Variants in MYO18A observed in about 807,000 individuals in gnomAD.
The protein encoded by MYO18A is myosin XVIIIA.
In MYO18A, 78 loss-of-function variants were observed where a neutral mutation model predicts 235.8. The ratio of observed to expected loss-of-function variants is 0.33; its 90% CI spans 0.28 to 0.40. MYO18A has a LOEUF of 0.40. Among genes scored for constraint, MYO18A ranks in the 10% least tolerant of loss-of-function variants. The pLI is 1.00. For missense variants in MYO18A, 2,215 were observed against 2,699.3 expected (o/e 0.82, Z 3.98); for synonymous variants, 977 against 1,077.8 (o/e 0.91, Z 1.83).
intron 1 of MYO18A, among the ~76,000 whole-genome samples, chr17:29,172,292 G>A (rs944438797): frequency 1.3e-5 from 2 of 152,026 alleles, no homozygotes; most frequent in Non-Finnish European, 2.9e-5. Flanking sequence ...TGGTCAACAC[G>A]GTGAAACCTT....
Position 29,118,007 on chromosome 17 carries a change from G to T in MYO18A, c.2038+38C>A. ...GGCAGGGTCCCTGTGAGGTCACCCA[G>T]GGGACAGGCCAGCCTACTGGGACCC... On this transcript the variant is annotated intron_variant, in intron 10 of 41. Transcript: ENST00000527372. This position sits in a 1 kb window ranked among gnomAD's most constrained non-coding sequence, Gnocchi z 4.2. 1 of 1,558,088 alleles carries T rather than the reference G, an allele frequency of 6.4e-7. No individual in the cohort carries two copies. Among genetic ancestry groups the T allele is most frequent in the Non-Finnish European group, 8.7e-7 (1 of 1,151,388 alleles).
intron 2 of MYO18A, among the ~76,000 whole-genome samples, chr17:29,136,245 AAAAAAAT>A (rs1297231113): frequency 4.2e-4 from 33 of 78,818 alleles, no homozygotes; most frequent in East Asian, 1.7e-3. Flanking sequence ...GAAAAAAAAA[AAAAAAAT>A]ATATATATAT....
chr17:29,156,380 C>T (rs1276289067), intron 2 of MYO18A, among the ~76,000 whole-genome samples: 3 of 152,312 alleles, frequency 2.0e-5, no homozygotes, highest in Admixed American at 2.0e-4. Flanking sequence ...AGGAGGCAGC[C>T]TGTCCCCAGG....
chr17:29,092,866 G>A lies in MYO18A; in HGVS notation c.5062C>T (p.Leu1688Phe), dbSNP rs751181150. The change falls in exon 33 of 42, where the codon CTC (leucine) becomes TTC (phenylalanine). Residue 1688 changes from leucine (L) to phenylalanine (F), a missense_variant. Leu to Phe is a conservative substitution (Grantham distance 22). Coordinates refer to ENST00000527372, the MANE Select transcript of MYO18A (RefSeq NM_078471.4). ...SAPSKREIAQLKNQLEESEFT... is the reference protein window; with the variant it reads ...SAPSKREIAQFKNQLEESEFT... ...CTCTCTGTGGATACCTGGTTCTTGA[G>A]CTGGGCAATCTCTCGCTTGCTGGGA... The A allele has an allele frequency of 6.2e-7, 1 of 1,613,780 alleles. No homozygotes were observed. Among genetic ancestry groups the A allele is most frequent in the African/African-American group, 1.3e-5 (1 of 74,936 alleles).
chr17:29,087,701 T>C (rs1195580667), intron 37 of MYO18A, among the ~76,000 whole-genome samples: 1 of 152,172 alleles, frequency 6.6e-6, no homozygotes, highest in African/African-American at 2.4e-5. Flanking sequence ...GAACCCCGCA[T>C]CTGCTTGTAA....
At position 29,125,815 on chromosome 17, in the gene MYO18A, G is replaced by T; in HGVS notation, c.1000-3562C>A. ...CATCTTCATGGTCAGCGCGCCTACAGACACACACAGGGTCCTGCCGCCAGC... is the reference window on the plus strand; with the variant it reads ...CATCTTCATGGTCAGCGCGCCTACATACACACACAGGGTCCTGCCGCCAGC... On this transcript the variant is annotated intron_variant, in intron 2 of 41. Transcript: ENST00000527372. This position sits in a 1 kb window ranked among gnomAD's most constrained non-coding sequence, Gnocchi z 5.1. The T allele has an allele frequency of 1.3e-6, 1 of 765,124 alleles. No individual in the cohort carries two copies. The highest frequency in any genetic ancestry group is 1.6e-6 in the Non-Finnish European group (1 of 627,678). The allele number at this position is 765,124 out of a possible 1,614,324, so 47.4% of individuals were successfully genotyped here.
Position 29,111,626 on chromosome 17 carries a change from C to A in MYO18A, c.2741-43G>T, listed in dbSNP as rs750067890. 3 of 1,612,420 alleles carry A rather than the reference C, an allele frequency of 1.9e-6. No individual in the cohort carries two copies. The highest frequency in any genetic ancestry group is 2.5e-6 in the Non-Finnish European group (3 of 1,178,856). ...AAGATTTAGGTCGTCAGGGTACAGG[C>A]ACAAAGTGACCCCCGCCCCCTCCCA... On this transcript the variant is annotated intron_variant, in intron 16 of 41. Coordinates refer to ENST00000527372, the MANE Select transcript of MYO18A (RefSeq NM_078471.4). This position sits in a 1 kb window ranked among gnomAD's most constrained non-coding sequence, Gnocchi z 5.1.
chr17:29,130,915 G>A (rs767997202), intron 2 of MYO18A, among the ~76,000 whole-genome samples: 6 of 152,174 alleles, frequency 3.9e-5, no homozygotes, highest in Non-Finnish European at 7.4e-5. Flanking sequence ...AGACAGCAGC[G>A]ACTACAGTGA....
In MYO18A at chr17:29,094,989, G is replaced by A. The variant is rs1171159923; in HGVS notation, c.4456C>T (p.Arg1486Trp). The A allele has an allele frequency of 1.5e-5, 24 of 1,596,752 alleles. No individual in the cohort carries two copies. Among genetic ancestry groups the A allele is most frequent in the Non-Finnish European group, 2.0e-5 (23 of 1,170,596 alleles). Residue 1486 changes from arginine to tryptophan, a missense_variant, in exon 29 of 42, where the codon CGG becomes TGG. Transcript: ENST00000527372. Reference sequence around the variant, plus strand: ...TCAGCGAGGAGCATGTCCTTCTCCCGCTGCAGCTTCTCCCGCTGCAGCTTC... The same window carrying A: ...TCAGCGAGGAGCATGTCCTTCTCCCACTGCAGCTTCTCCCGCTGCAGCTTC... ...REKLQREKLQ[R>W]EKDMLLAEAF...
intron 2 of MYO18A, chr17:29,131,453 AG>A: frequency 1.0e-6 from 1 of 985,704 alleles, no homozygotes; most frequent in Non-Finnish European, 1.2e-6. Context: ...CTGAGGGAGC[AG>A]ATGAAGAAGT....
rs900425910 is a variant in MYO18A at position 29,115,320 on chromosome 17, G to T, written c.2318+31C>A. On this transcript the variant is annotated intron_variant, in intron 13 of 41. Coordinates refer to ENST00000527372, the MANE Select transcript of MYO18A (RefSeq NM_078471.4). ...CATCTACTCCACCTCTGCCAAAGCA[G>T]GAAAAGCCCTGGGTCCTGCCTGGCA... The T allele has an allele frequency of 1.9e-6, 3 of 1,611,580 alleles. No individual in the cohort carries two copies. The African/African-American group carries it at 4.0e-5, about 22-fold the overall frequency.
chr17:29,130,319 A>AG (rs1213928739), intron 2 of MYO18A, among the ~76,000 whole-genome samples: 7 of 150,904 alleles, frequency 4.6e-5, no homozygotes, highest in South Asian at 2.1e-4. Flanking sequence ...AAAAAAAAAA[A>AG]AAAAGAAAAG....
chr17:29,133,648 G>A (rs910974925), intron 2 of MYO18A: 21 of 480,522 alleles, frequency 4.4e-5, no homozygotes, highest in Admixed American at 3.2e-4. Flanking sequence ...ACCAGCCCCC[G>A]TCATTCTCCC....
At chr17:29,138,166 A>G (rs962504174) in intron 2 of MYO18A, among the ~76,000 whole-genome samples, 2 of 152,158 alleles carry the variant, frequency 1.3e-5, no homozygotes, top group African/African-American at 4.8e-5. Context: ...GCCACGCCTC[A>G]GGCAGCCCCT....
At chr17:29,134,117 T>G (rs1311002717) in intron 2 of MYO18A, among the ~76,000 whole-genome samples, 1 of 152,350 alleles carries the variant, frequency 6.6e-6, no homozygotes, top group South Asian at 2.1e-4. Flanking sequence ...ATTTTTATTT[T>G]TTGAGATGCA....
intron 28 of MYO18A, among the ~76,000 whole-genome samples, chr17:29,095,938 A>AG (rs2066509504): frequency 6.6e-6 from 1 of 152,108 alleles, no homozygotes; most frequent in African/African-American, 2.4e-5. Context: ...GTAAAGGGGT[A>AG]GGGTGGGGGC....
At chr17:29,089,778 G>A (rs994962464) in intron 37 of MYO18A, among the ~76,000 whole-genome samples, 183 bp downstream of exon 37, 4 of 152,222 alleles carry the variant, frequency 2.6e-5, no homozygotes, top group Admixed American at 6.5e-5. Flanking sequence ...CGGGCTCCAC[G>A]GTAGCCAGAG....
At chr17:29,170,729 CAAAA>C (rs991654580) in intron 1 of MYO18A, among the ~76,000 whole-genome samples, 2 of 152,116 alleles carry the variant, frequency 1.3e-5, no homozygotes, top group African/African-American at 4.8e-5. Flanking sequence ...TCCCCAAAAA[CAAAA>C]AGAAAGTACA....
At chr17:29,080,857 G>A in intron 41 of MYO18A, 4 of 985,388 alleles carry the variant, frequency 4.1e-6, no homozygotes, top group Non-Finnish European at 4.8e-6. Context: ...AGGGGAGGCC[G>A]CCCGCTCGCT....
Sources: allele counts gnomAD v4.1 joint callset (sites outside exome capture counted in the v4.1 genomes callset), GRCh38; gene constraint gnomAD v4.1.1; non-coding constraint Gnocchi (gnomAD v3.1); transcripts MANE v1.5; gene names NCBI Gene and HGNC (gene_info 2026-07-23, HGNC 2026-07-21).